Variants in RANBP17 observed in about 807,000 individuals in gnomAD.
The protein encoded by RANBP17 is RAN binding protein 17.
In RANBP17, 158 loss-of-function variants were observed where a neutral mutation model predicts 141.2. That is an observed-to-expected ratio of 1.12 (90% CI 0.98 to 1.28). The LOEUF (loss-of-function observed/expected upper bound fraction) is 1.28. Among genes scored for constraint, RANBP17 ranks in the 50% most tolerant of loss-of-function variants. The pLI is 0.00. For synonymous variants in RANBP17, 430 were observed against 450.0 expected, an observed-to-expected ratio of 0.96 and a Z score of 0.56; for missense variants, 1,438 against 1,290.7, an observed-to-expected ratio of 1.11 and a Z score of -1.75.
At chr5:170,883,447 A>T (rs570115982) in intron 3 of RANBP17, among the ~76,000 whole-genome samples, 1 of 152,324 alleles carries the variant, frequency 6.6e-6, no homozygotes, top group African/African-American at 2.4e-5. Flanking sequence ...ATACATCATC[A>T]TTAACCAAAG....
intron 14 of RANBP17, among the ~76,000 whole-genome samples, chr5:171,079,522 A>T (rs998450047): frequency 6.6e-6 from 1 of 152,246 alleles, no homozygotes; most frequent in African/African-American, 2.4e-5. Flanking sequence ...GAAGTCAATC[A>T]GTGCAGCAAA....
intron 1 of RANBP17, among the ~76,000 whole-genome samples, chr5:170,865,412 G>A (rs1400610798): frequency 6.6e-6 from 1 of 152,078 alleles, no homozygotes; most frequent in Non-Finnish European, 1.5e-5. Context: ...TTATTTGCCC[G>A]AGGTCACTTA....
At chr5:171,121,394 C>T (rs1561675774) in intron 14 of RANBP17, among the ~76,000 whole-genome samples, 2 of 152,202 alleles carry the variant, frequency 1.3e-5, no homozygotes, top group Admixed American at 6.5e-5. Flanking sequence ...CTTCCAAGAG[C>T]GCCTGCGGAG....
In RANBP17 at chr5:170,897,172, T is replaced by C. The variant is rs931237362; in HGVS notation, c.489+1057T>C. 9 of 770,586 alleles carry C rather than the reference T, an allele frequency of 1.2e-5. No individual in the cohort carries two copies. In the Admixed American group the frequency reaches 1.6e-4, roughly 14 times the overall value. The allele number at this position is 770,586 out of a possible 1,614,324, so 47.7% of individuals were successfully genotyped here. On this transcript the variant is annotated intron_variant, in intron 5 of 27. Transcript: ENST00000523189. ...TTGATACCAAACAGCTCATCACTGA[T>C]ACTTATGGCTCCGGAAATAATTGGG... is the stretch of plus-strand genomic sequence containing the variant.
intron 14 of RANBP17, among the ~76,000 whole-genome samples, chr5:170,994,929 A>G (rs1277736573): frequency 1.3e-5 from 2 of 152,100 alleles, no homozygotes; most frequent in Non-Finnish European, 2.9e-5. Flanking sequence ...AAAACATCTA[A>G]GAATTTGTAA....
At chr5:171,088,061 G>A (rs889207495) in intron 14 of RANBP17, among the ~76,000 whole-genome samples, 44 of 151,744 alleles carry the variant, frequency 2.9e-4, no homozygotes, top group African/African-American at 9.7e-4. Flanking sequence ...TCCTAGTCTC[G>A]ATGGTCTTGA....
intron 27 of RANBP17, among the ~76,000 whole-genome samples, chr5:171,296,279 T>C (rs1352067383): frequency 6.6e-6 from 1 of 152,056 alleles, no homozygotes; most frequent in Non-Finnish European, 1.5e-5. Context: ...ACAGGAGAGA[T>C]ATGAAAAAAT....
At chr5:171,178,556 AAATGGTATTTCTGGTT>A (rs1760669143) in intron 16 of RANBP17, among the ~76,000 whole-genome samples, 1 of 152,196 alleles carries the variant, frequency 6.6e-6, no homozygotes. Flanking sequence ...TTGCTGGGTC[AAATGGTATTTCTGGTT>A]CTAGATCCTT....
At chr5:170,917,898 T>G (rs939679449) in intron 9 of RANBP17, among the ~76,000 whole-genome samples, 2 of 152,102 alleles carry the variant, frequency 1.3e-5, no homozygotes, top group African/African-American at 4.8e-5. Flanking sequence ...ATTACAAAAT[T>G]TTTTTGGTTA....
chr5:171,095,809 C>T (rs1202918222), intron 14 of RANBP17, among the ~76,000 whole-genome samples: 10 of 152,098 alleles, frequency 6.6e-5, no homozygotes, highest in Admixed American at 6.6e-4. Context: ...TTTAGACTCC[C>T]CAAAAACTTA....
At chr5:171,191,418 G>T (rs1294967463) in intron 18 of RANBP17, among the ~76,000 whole-genome samples, 1 of 152,182 alleles carries the variant, frequency 6.6e-6, no homozygotes, top group Non-Finnish European at 1.5e-5. Flanking sequence ...GCCGGGCGCA[G>T]TGGCTCACGC....
intron 18 of RANBP17, among the ~76,000 whole-genome samples, chr5:171,186,986 C>T (rs1430406885): frequency 2.0e-5 from 3 of 152,110 alleles, no homozygotes; most frequent in African/African-American, 4.8e-5. Context: ...CCTATTAAAG[C>T]TTTTGACATG....
chr5:171,269,942 A>G (rs920063595), intron 25 of RANBP17, among the ~76,000 whole-genome samples: 4 of 152,206 alleles, frequency 2.6e-5, no homozygotes, highest in Admixed American at 6.5e-5. Flanking sequence ...AACTGATGCA[A>G]TGATACTGCA....
At chr5:171,294,121 C>G (rs985760946) in intron 26 of RANBP17, 140 bp downstream of exon 26, 2 of 662,036 alleles carry the variant, frequency 3.0e-6, no homozygotes, top group African/African-American at 3.5e-5. Context: ...CTCTGTGAGG[C>G]TGTATTCCCC....
intron 23 of RANBP17, among the ~76,000 whole-genome samples, chr5:171,241,988 T>C (rs1764907808): frequency 6.6e-6 from 1 of 151,818 alleles, no homozygotes; most frequent in African/African-American, 2.4e-5. Flanking sequence ...GGTTTCTCTT[T>C]TTTTCTTTTT....
chr5:171,061,737 T>C (rs1231247691), intron 14 of RANBP17, among the ~76,000 whole-genome samples: 1 of 152,118 alleles, frequency 6.6e-6, no homozygotes, highest in African/African-American at 2.4e-5. Flanking sequence ...TCTCTCTCAT[T>C]GATCTGTCTA....
At chr5:171,144,080 C>T (rs771691058) in intron 14 of RANBP17, among the ~76,000 whole-genome samples, 3 of 152,096 alleles carry the variant, frequency 2.0e-5, no homozygotes, top group African/African-American at 7.2e-5. Flanking sequence ...AATAGGCTGC[C>T]GTCTGGGCGT....
At chr5:171,119,577 G>A (rs991452982) in intron 14 of RANBP17, among the ~76,000 whole-genome samples, 2 of 152,194 alleles carry the variant, frequency 1.3e-5, no homozygotes, top group African/African-American at 4.8e-5. Flanking sequence ...TCAGATCTTA[G>A]AGGAAAGTCT....
In RANBP17 at chr5:170,958,556, T is replaced by G. The variant is rs560067304; in HGVS notation, c.1574+4854T>G. Among the ~76,000 whole-genome samples the G allele has an allele frequency of 2.0e-5, 3 of 152,288 alleles. No homozygotes were observed. In the East Asian group the frequency reaches 5.8e-4, roughly 29 times the overall value. On this transcript the variant is annotated intron_variant, in intron 13 of 27. Coordinates refer to ENST00000523189, the MANE Select transcript of RANBP17 (RefSeq NM_022897.5). ...AGATTCTAAACTAAGAATGATGTCTTACGTAAAATTACAAAAAAAATCACT... is the reference window on the plus strand; with the variant it reads ...AGATTCTAAACTAAGAATGATGTCTGACGTAAAATTACAAAAAAAATCACT...
Sources: allele counts gnomAD v4.1 joint callset (sites outside exome capture counted in the v4.1 genomes callset), GRCh38; gene constraint gnomAD v4.1.1; transcripts MANE v1.5; gene names NCBI Gene and HGNC (gene_info 2026-07-23, HGNC 2026-07-21).